Variants in GNA13 observed in about 807,000 individuals in gnomAD.
GNA13 encodes guanine nucleotide-binding protein subunit alpha-13.
In GNA13, 4 loss-of-function variants were observed where a neutral mutation model predicts 33.5. The ratio of observed to expected loss-of-function variants is 0.12; its 90% confidence interval spans 0.06 to 0.27. The LOEUF is 0.27. Among genes scored for constraint, GNA13 ranks in the 10% least tolerant of loss-of-function variants. The pLI is 1.00. For synonymous variants in GNA13, 176 were observed against 183.8 expected (o/e 0.96, Z 0.34); for missense variants, 319 against 487.2 (o/e 0.65, Z 3.25).
intron 2 of GNA13, among the ~76,000 whole-genome samples, chr17:65,028,148 C>T (rs563598194): frequency 2.0e-5 from 3 of 152,172 alleles, no homozygotes; most frequent in Admixed American, 2.0e-4. Context: ...ATGGCGTGAA[C>T]CCGGGAGGCG....
chr17:65,014,890 G>A lies in GNA13; in HGVS notation c.562-61C>T. The stretch of plus-strand genomic sequence containing the variant: ...CCCGAAGTAATGCGAATTTTTAATG[G>A]ACTACTAACTGGACTAGTGAATAGA... On this transcript the variant is annotated intron_variant, in intron 3 of 3. Transcript: ENST00000439174. This position sits in a 1 kb window ranked among gnomAD's most constrained non-coding sequence, Gnocchi z 5.3. The A allele has an allele frequency of 1.1e-6, 1 of 933,928 alleles. No individual in the cohort carries two copies. Among genetic ancestry groups the A allele is most frequent in the Non-Finnish European group, 1.7e-6 (1 of 597,282 alleles). 57.9% of individuals were successfully genotyped at this position (933,928 alleles called of 1,614,324 possible).
chr17:65,034,228 C>A (rs982128515), intron 2 of GNA13, among the ~76,000 whole-genome samples: 7 of 151,946 alleles, frequency 4.6e-5, no homozygotes, highest in Non-Finnish European at 7.4e-5. Context: ...AAATAAACTA[C>A]TGCACATGAA....
chr17:65,056,306 G>C lies in GNA13; in HGVS notation c.283+5C>G, dbSNP rs779587506. The C allele has an allele frequency of 1.4e-5, 18 of 1,262,960 alleles. No homozygotes were observed. In the African/African-American group the frequency reaches 1.6e-4, roughly 11 times the overall value. The allele number at this position is 1,262,960 out of a possible 1,614,324, so 78.2% of individuals were successfully genotyped here. On this transcript the variant is annotated splice_donor_5th_base_variant and intron_variant, in intron 1 of 3. Coordinates refer to ENST00000439174, the MANE Select transcript of GNA13 (RefSeq NM_006572.6). ...AACCCCCGGCCCCCATTCCCGGCCCGGCACCTTTGATCACGTTGCTGTAGA... is the reference window on the plus strand; with the variant it reads ...AACCCCCGGCCCCCATTCCCGGCCCCGCACCTTTGATCACGTTGCTGTAGA...
At chr17:65,028,728 A>T (rs1371749198) in intron 2 of GNA13, among the ~76,000 whole-genome samples, 2 of 152,144 alleles carry the variant, frequency 1.3e-5, no homozygotes, top group Non-Finnish European at 2.9e-5. Context: ...GATGAAAGTC[A>T]AGGAATACAG....
chr17:65,037,778 G>GAAAAAAAAAAA (rs71158360), intron 2 of GNA13, among the ~76,000 whole-genome samples: 3 of 99,158 alleles, frequency 3.0e-5, no homozygotes, highest in African/African-American at 3.9e-5. Context: ...TACAAAAATG[G>GAAAAAAAAAAA]AAAAAAAAAA....
At chr17:65,046,216 T>C (rs1000094819) in intron 2 of GNA13, among the ~76,000 whole-genome samples, 7 of 152,324 alleles carry the variant, frequency 4.6e-5, no homozygotes, top group Admixed American at 3.3e-4. Flanking sequence ...AATGTTGTTA[T>C]AAAACGTAAG....
intron 2 of GNA13, among the ~76,000 whole-genome samples, chr17:65,033,204 G>C (rs1907113850): frequency 1.3e-5 from 2 of 152,034 alleles, no homozygotes; most frequent in Admixed American, 1.3e-4. Context: ...GCATAGTTAG[G>C]CTGGACACAC....
At position 65,014,397 on chromosome 17, in the gene GNA13, T is replaced by G. The variant is rs1206045080; in HGVS notation, c.994A>C (p.Asn332His). ...VQKFLVECFR[N>H]KRRDQQQKPL... ...TTCTGTTGCTGGTCCCGGCGTTTGT[T>G]CCGGAAACATTCCACCAGGAATTTT... The change falls in exon 4 of 4, where the codon AAC becomes CAC. Residue 332 changes from asparagine to histidine, a missense_variant. This residue lies in a region of GNA13 where 134 missense variants were observed against 241.3 expected (regional missense o/e 0.56). Transcript: ENST00000439174. This position sits in a 1 kb window ranked among gnomAD's most constrained non-coding sequence, Gnocchi z 5.3. The G allele has an allele frequency of 6.2e-7, 1 of 1,614,114 alleles. No homozygotes were observed.
chr17:65,042,489 C>T (rs1019492375), intron 2 of GNA13, among the ~76,000 whole-genome samples: 2 of 152,040 alleles, frequency 1.3e-5, no homozygotes, highest in African/African-American at 4.8e-5. Context: ...ATAATCCCAA[C>T]ACTTTGGGAG....
intron 2 of GNA13, among the ~76,000 whole-genome samples, chr17:65,028,001 G>C (rs1656039378): frequency 6.6e-6 from 1 of 152,202 alleles, no homozygotes; most frequent in Non-Finnish European, 1.5e-5. Context: ...TACTCTGGGA[G>C]GCCGAGGTGG....
At chr17:65,032,293 C>G (rs1376690543) in intron 2 of GNA13, among the ~76,000 whole-genome samples, 6 of 152,102 alleles carry the variant, frequency 3.9e-5, no homozygotes, top group Admixed American at 2.6e-4. Context: ...CTCAATTTCC[C>G]ACCCTATCTG....
chr17:65,056,244 G>GCCCCCCCCCCCCCCCC, intron 1 of GNA13, 67 bp downstream of exon 1: 1 of 1,032,476 alleles, frequency 9.7e-7, no homozygotes, highest in African/African-American at 1.6e-5. Flanking sequence ...GCGGTGCCCC[G>GCCCCCCCCCCCCCCCC]CCCCGCACCC....
Position 65,054,218 on chromosome 17 carries a change from T to C in GNA13, c.284-490A>G, listed in dbSNP as rs372769353. 2.7e-4 allele frequency among the ~76,000 whole-genome samples: 41 copies of C among 152,332 alleles called. 1 individual carries two copies. The highest frequency in any genetic ancestry group is 8.2e-4 in the African/African-American group (34 of 41,580). On this transcript the variant is annotated intron_variant, in intron 1 of 3. Coordinates refer to ENST00000439174, the MANE Select transcript of GNA13 (RefSeq NM_006572.6). ...CACCCTAACCCAACATTGAGTCTTCTAGCAACACATTCAAAATTTAAAAAC... is the reference window on the plus strand; with the variant it reads ...CACCCTAACCCAACATTGAGTCTTCCAGCAACACATTCAAAATTTAAAAAC...
At chr17:65,035,341 C>T (rs1335550934) in intron 2 of GNA13, among the ~76,000 whole-genome samples, 1 of 152,152 alleles carries the variant, frequency 6.6e-6, no homozygotes, top group Non-Finnish European at 1.5e-5. Context: ...AAATCACCTC[C>T]TCCAGGAAAT....
Position 65,013,962 on chromosome 17 carries a change from T to C in GNA13, c.*295A>G, listed in dbSNP as rs1200173117. ...GAATTCAGTTTGGAAAGTAGAATAA[T>C]TTAAAGCCTGAAATATGCCTAGTCT... On this transcript the variant is annotated 3_prime_UTR_variant, in exon 4 of 4. Coordinates refer to ENST00000439174, the MANE Select transcript of GNA13 (RefSeq NM_006572.6). The C allele has an allele frequency of 2.8e-6, 1 of 360,054 alleles. No individual in the cohort carries two copies. The highest frequency in any genetic ancestry group is 4.2e-5 in the East Asian group (1 of 23,670). 22.3% of individuals were successfully genotyped at this position (360,054 alleles called of 1,614,324 possible). A position where few individuals can be genotyped will look rare whatever the true frequency, so the allele number is the denominator to read the frequency against.
chr17:65,016,371 T>C (rs936024073), intron 3 of GNA13, among the ~76,000 whole-genome samples: 2 of 152,194 alleles, frequency 1.3e-5, no homozygotes, highest in African/African-American at 2.4e-5. Context: ...TATATATACA[T>C]ATTTTTTTGA....
intron 2 of GNA13, among the ~76,000 whole-genome samples, chr17:65,022,362 A>G (rs1906612076): frequency 6.6e-6 from 1 of 151,914 alleles, no homozygotes; most frequent in African/African-American, 2.4e-5. Flanking sequence ...ATAACTTGAA[A>G]ATATTCCAAG....
intron 2 of GNA13, among the ~76,000 whole-genome samples, chr17:65,033,318 C>CT (rs1485118457): frequency 6.8e-6 from 1 of 147,928 alleles, no homozygotes; most frequent in African/African-American, 2.6e-5. Context: ...GACCCCATCT[C>CT]TAAAAAAAAA....
intron 2 of GNA13, among the ~76,000 whole-genome samples, chr17:65,040,925 C>A (rs566938443): frequency 1.3e-5 from 2 of 152,324 alleles, no homozygotes; most frequent in South Asian, 4.1e-4. Context: ...AACTCTCTAG[C>A]AACATGGAAA....
Sources: allele counts gnomAD v4.1 joint callset (sites outside exome capture counted in the v4.1 genomes callset), GRCh38; gene constraint gnomAD v4.1.1; regional missense constraint gnomAD v4.1.1; non-coding constraint Gnocchi (gnomAD v3.1); transcripts MANE v1.5; gene names NCBI Gene and HGNC (gene_info 2026-07-23, HGNC 2026-07-21).